The following UTRN variants were observed in gnomAD, a reference collection of about 807,000 sequenced individuals.
UTRN encodes dystrophin-related protein 1.
In UTRN, 283 loss-of-function variants were observed where a neutral mutation model predicts 463.9. That is an observed-to-expected ratio of 0.61 (90% confidence interval 0.55 to 0.67). UTRN has a LOEUF of 0.67. Ranked by LOEUF, UTRN falls within the 30% of genes least tolerant of loss-of-function variation. The pLI is 0.00. For synonymous variants in UTRN, 1,442 were observed against 1,431.5 expected, an observed-to-expected ratio of 1.01 and a Z score of -0.17; for missense variants, 3,922 against 4,084.3, an observed-to-expected ratio of 0.96 and a Z score of 1.08.
intron 53 of UTRN, among the ~76,000 whole-genome samples, chr6:144,718,154 T>C (rs1462334593): frequency 6.6e-6 from 1 of 152,036 alleles, no homozygotes; most frequent in Non-Finnish European, 1.5e-5. Flanking sequence ...AGAAACATGG[T>C]AGAATTTTAG....
chr6:144,737,340 G>T (rs1586303141), intron 54 of UTRN, among the ~76,000 whole-genome samples: 1 of 152,134 alleles, frequency 6.6e-6, no homozygotes, highest in South Asian at 2.1e-4. Context: ...AAGATTAATG[G>T]TAAGAAATGA....
At position 144,749,617 on chromosome 6, in the gene UTRN, C is replaced by G. The variant is rs144333571; in HGVS notation, c.8208+1103C>G. Reference sequence around the variant, plus strand: ...TTTTAAAACTTGCTTTATCTCGAGCCCCTTAATTTGGAAGCTCTTCAAAAA... The same window carrying G: ...TTTTAAAACTTGCTTTATCTCGAGCGCCTTAATTTGGAAGCTCTTCAAAAA... On this transcript the variant is annotated intron_variant, in intron 55 of 74. Transcript: ENST00000367545. 3.4e-3 allele frequency among the ~76,000 whole-genome samples: 513 copies of G among 152,122 alleles called. 1 individual carries two copies. Among genetic ancestry groups the G allele is most frequent in the Non-Finnish European group, 5.9e-3 (398 of 67,982 alleles).
At chr6:144,819,167 A>T (rs1254726213) in intron 65 of UTRN, among the ~76,000 whole-genome samples, 2 of 152,162 alleles carry the variant, frequency 1.3e-5, no homozygotes, top group Non-Finnish European at 2.9e-5. Flanking sequence ...ACCTTGTTGC[A>T]GGTTGTTTGT....
intron 53 of UTRN, among the ~76,000 whole-genome samples, chr6:144,725,557 TA>T (rs1026430884): frequency 1.3e-5 from 2 of 152,232 alleles, no homozygotes; most frequent in African/African-American, 4.8e-5. Flanking sequence ...AGGTGGCCCA[TA>T]TATCAGTCAC....
At position 144,590,887 on chromosome 6, in the gene UTRN, C is replaced by T. The variant is rs982510961; in HGVS notation, c.7479+13599C>T. ...ACACACACACACACGCACATGCACA[C>T]ACACACACACACATAAGGTTGTTGT... On this transcript the variant is annotated intron_variant, in intron 51 of 74. Coordinates refer to ENST00000367545, the MANE Select transcript of UTRN (RefSeq NM_007124.3). 9.6e-4 allele frequency among the ~76,000 whole-genome samples: 146 copies of T among 151,600 alleles called. 2 individuals are homozygous for T. In the South Asian group the frequency reaches 0.029, roughly 30 times the overall value.
At chr6:144,364,804 G>A (rs969562716) in intron 2 of UTRN, among the ~76,000 whole-genome samples, 3 of 152,186 alleles carry the variant, frequency 2.0e-5, no homozygotes, top group African/African-American at 7.2e-5. Context: ...AGCCTCCACA[G>A]GCTGCCCATG....
In UTRN at chr6:144,356,006, C is replaced by T. The variant is rs1778516881; in HGVS notation, c.80-47117C>T. The stretch of plus-strand genomic sequence containing the variant: ...ATGTAGTCATAGTTGGGAATATATC[C>T]ACAAAGCAAGTAGACCAATTCTTGT... On this transcript the variant is annotated intron_variant, in intron 2 of 74. Coordinates refer to ENST00000367545, the MANE Select transcript of UTRN (RefSeq NM_007124.3). Among the ~76,000 whole-genome samples, 4 of 151,888 alleles carry T rather than the reference C, an allele frequency of 2.6e-5. No homozygotes were observed. The South Asian group carries it at 8.3e-4, about 32-fold the overall frequency.
In UTRN at chr6:144,754,743, A is replaced by T; in HGVS notation, c.8379A>T (p.Lys2793Asn). 3.7e-6 allele frequency: 6 copies of T among 1,613,636 alleles called. No individual in the cohort carries two copies. The highest frequency in any genetic ancestry group is 5.1e-6 in the Non-Finnish European group (6 of 1,179,738). ...AGGTTTCTGTGGATGATCGCCTTAA[A>T]CAGCTTCAGGAAGCCCACAGAGATT... ...LLQVSVDDRL[K>N]QLQEAHRDFG... The change falls in exon 57 of 75, where the codon AAA (lysine) becomes AAT (asparagine). Residue 2793 changes from lysine to asparagine, a missense_variant. Around this residue, in one of 3 missense-constraint regions of UTRN, gnomAD observed 1,309 missense variants for 1,452.6 expected, o/e 0.90. Coordinates refer to ENST00000367545, the MANE Select transcript of UTRN (RefSeq NM_007124.3).
intron 3 of UTRN, among the ~76,000 whole-genome samples, chr6:144,420,858 G>A (rs907105212): frequency 6.6e-6 from 1 of 152,154 alleles, no homozygotes; most frequent in African/African-American, 2.4e-5. Context: ...CTCTGCACCC[G>A]GATGTTGTAG....
Position 144,676,488 on chromosome 6 carries a change from A to G in UTRN, c.7480-1918A>G, listed in dbSNP as rs191664313. 5.4e-4 allele frequency among the ~76,000 whole-genome samples: 82 copies of G among 151,156 alleles called. 1 individual carries two copies. Among genetic ancestry groups the G allele is most frequent in the Middle Eastern group, 6.8e-3 (2 of 294 alleles). ...TAAGCCTGAATATATCAGTTATTCT[A>G]TGCTTTTGGAAGTATTTTTGCTGAC... is the stretch of plus-strand genomic sequence containing the variant. On this transcript the variant is annotated intron_variant, in intron 51 of 74. Coordinates refer to ENST00000367545, the MANE Select transcript of UTRN (RefSeq NM_007124.3).
At chr6:144,762,450 A>G (rs17802449) in intron 58 of UTRN, among the ~76,000 whole-genome samples, 7,164 of 152,322 alleles carry the variant, frequency 0.047, 343 homozygotes, top group Admixed American at 0.14. Context: ...CCTGTGTGCC[A>G]GCAACTGAGT....
At chr6:144,840,652 T>G in intron 72 of UTRN, 88 bp from the exon 73 acceptor site, 1 of 1,403,506 alleles carries the variant, frequency 7.1e-7, no homozygotes, top group Non-Finnish European at 9.9e-7. Context: ...AGAGGCTGGT[T>G]GGAGTATTTC....
At chr6:144,741,760 T>G (rs1790121821) in intron 54 of UTRN, among the ~76,000 whole-genome samples, 2 of 152,196 alleles carry the variant, frequency 1.3e-5, no homozygotes, top group Admixed American at 6.6e-5. Flanking sequence ...AGGGTCTCTT[T>G]GCTCTTCCTG....
intron 2 of UTRN, among the ~76,000 whole-genome samples, chr6:144,325,814 T>C (rs1390284428): frequency 2.0e-5 from 3 of 152,076 alleles, no homozygotes; most frequent in Non-Finnish European, 4.4e-5. Flanking sequence ...GAAATAGGAA[T>C]GTGGCCTGTA....
In UTRN at chr6:144,451,113, A is replaced by AAAC. The variant is rs111594852; in HGVS notation, c.2073-239_2073-237dup. Among the ~76,000 whole-genome samples the AAAC allele has an allele frequency of 2.0e-3, 305 of 152,164 alleles. 1 individual carries two copies. Among genetic ancestry groups the AAAC allele is most frequent in the African/African-American group, 6.5e-3 (271 of 41,480 alleles). On this transcript the variant is annotated intron_variant, in intron 17 of 74. Coordinates refer to ENST00000367545, the MANE Select transcript of UTRN (RefSeq NM_007124.3). ...GGTGACAGGGCGAGACTCCATCTCG[A>AAAC]AACAACAACAACAACAACAAATTAT... is the stretch of plus-strand genomic sequence containing the variant.
intron 60 of UTRN, among the ~76,000 whole-genome samples, chr6:144,780,139 A>G (rs1775689271): frequency 1.3e-5 from 2 of 152,218 alleles, no homozygotes; most frequent in Non-Finnish European, 2.9e-5. Context: ...GTGGTTACAA[A>G]TGGATAAATA....
chr6:144,295,289 C>G (rs11962764), intron 2 of UTRN, among the ~76,000 whole-genome samples: 1 of 152,086 alleles, frequency 6.6e-6, no homozygotes, highest in East Asian at 1.9e-4. Context: ...CAATAATTAA[C>G]ATACATTAAA....
At chr6:144,722,028 T>C (rs1787236588) in intron 53 of UTRN, among the ~76,000 whole-genome samples, 1 of 152,188 alleles carries the variant, frequency 6.6e-6, no homozygotes, top group Non-Finnish European at 1.5e-5. Flanking sequence ...AGAGCACTTT[T>C]AGCTCAATGG....
At chr6:144,416,352 T>C (rs1453254929) in intron 3 of UTRN, among the ~76,000 whole-genome samples, 1 of 152,176 alleles carries the variant, frequency 6.6e-6, no homozygotes, top group Non-Finnish European at 1.5e-5. Flanking sequence ...TGAATTCCCA[T>C]ATGGCCACCC....
Sources: gnomAD v4.1 joint callset for allele counts (sites outside exome capture counted in the v4.1 genomes callset) on GRCh38, gnomAD v4.1.1 for gene constraint, gnomAD v4.1.1 regional missense constraint, MANE v1.5 for transcripts, NCBI Gene and HGNC (gene_info 2026-07-23, HGNC 2026-07-21) for gene names.